HCN1: variants seen among roughly 807,000 people sequenced by gnomAD.
HCN1 encodes the protein hyperpolarization activated cyclic nucleotide gated potassium channel 1.
Under a neutral mutation model 78.9 loss-of-function variants are expected in HCN1, and 13 were observed. That is an observed-to-expected ratio of 0.16 (90% CI 0.11 to 0.26). The LOEUF is 0.26. Among genes scored for constraint, HCN1 ranks in the 10% least tolerant of loss-of-function variants. The pLI is 1.00. For missense variants in HCN1, 810 were observed against 1,154.3 expected (o/e 0.70, Z 4.32); for synonymous variants, 552 against 455.5 (o/e 1.21, Z -2.70).
At chr5:45,267,012 T>G in intron 7 of HCN1, 77 bp downstream of exon 7, 1 of 1,237,498 alleles carries the variant, frequency 8.1e-7, no homozygotes, top group Non-Finnish European at 1.2e-6. Context: ...CCCCACTGCA[T>G]TTGGGACTTA....
At chr5:45,313,133 C>T (rs1306271419) in intron 5 of HCN1, among the ~76,000 whole-genome samples, 1 of 152,186 alleles carries the variant, frequency 6.6e-6, no homozygotes, top group Non-Finnish European at 1.5e-5. Flanking sequence ...GGCAGACTGA[C>T]ACCTCACACG....
intron 4 of HCN1, among the ~76,000 whole-genome samples, chr5:45,395,390 A>T (rs1739666770): frequency 6.6e-6 from 1 of 152,194 alleles, no homozygotes; most frequent in African/African-American, 2.4e-5. Context: ...GAGACTATTT[A>T]AAAATGAACC....
At chr5:45,271,064 G>A (rs1034711194) in intron 6 of HCN1, among the ~76,000 whole-genome samples, 1 of 151,978 alleles carries the variant, frequency 6.6e-6, no homozygotes, top group Admixed American at 6.6e-5. Flanking sequence ...TCTTCAAGGA[G>A]GATGCTTTTA....
intron 2 of HCN1, among the ~76,000 whole-genome samples, chr5:45,515,502 CTT>C (rs1203573891): frequency 6.6e-6 from 1 of 151,968 alleles, no homozygotes; most frequent in Non-Finnish European, 1.5e-5. Flanking sequence ...ATGTATTACA[CTT>C]TTATTCTATG....
At chr5:45,406,051 T>C (rs1390088842) in intron 3 of HCN1, among the ~76,000 whole-genome samples, 1 of 152,148 alleles carries the variant, frequency 6.6e-6, no homozygotes, top group African/African-American at 2.4e-5. Flanking sequence ...GTACATTATT[T>C]TAAAAATAAA....
intron 2 of HCN1, among the ~76,000 whole-genome samples, chr5:45,567,105 GGAT>G (rs1291673765): frequency 3.3e-5 from 5 of 152,020 alleles, no homozygotes; most frequent in African/African-American, 1.2e-4. Flanking sequence ...TTAAAATTAT[GGAT>G]AATATACAAA....
chr5:45,462,100 A>C, intron 2 of HCN1, 93 bp from the exon 3 acceptor site: 1 of 924,962 alleles, frequency 1.1e-6, no homozygotes, highest in South Asian at 1.5e-5. Flanking sequence ...TGTGTAGCGT[A>C]AGCATTGATT....
intron 2 of HCN1, among the ~76,000 whole-genome samples, chr5:45,495,164 G>A (rs1445353840): frequency 8.2e-6 from 1 of 121,728 alleles, no homozygotes; most frequent in Non-Finnish European, 1.7e-5. Flanking sequence ...GATGGGGATG[G>A]CATTGAATCT....
At chr5:45,373,204 TTA>T (rs1338239529) in intron 4 of HCN1, among the ~76,000 whole-genome samples, 4 of 121,968 alleles carry the variant, frequency 3.3e-5, no homozygotes, top group East Asian at 4.5e-4. Context: ...TTTATATATT[TTA>T]TATATGTTAT....
intron 2 of HCN1, among the ~76,000 whole-genome samples, chr5:45,494,717 GT>G: frequency 6.6e-6 from 1 of 152,196 alleles, no homozygotes; most frequent in Non-Finnish European, 1.5e-5. Flanking sequence ...TTCTTCTAGG[GT>G]TTTTATGGTT....
At chr5:45,515,980 T>C (rs553961881) in intron 2 of HCN1, among the ~76,000 whole-genome samples, 2 of 152,142 alleles carry the variant, frequency 1.3e-5, no homozygotes, top group Non-Finnish European at 2.9e-5. Context: ...CTGATATGTA[T>C]ACATGCATGT....
At chr5:45,396,880 C>T (rs1423709531) in intron 3 of HCN1, among the ~76,000 whole-genome samples, 170 bp from the exon 4 acceptor site, 1 of 152,100 alleles carries the variant, frequency 6.6e-6, no homozygotes, top group Admixed American at 6.6e-5. Flanking sequence ...TGATGTTTTT[C>T]AAATCTTTCT....
intron 5 of HCN1, among the ~76,000 whole-genome samples, chr5:45,347,576 G>T (rs2111974116): frequency 6.6e-6 from 1 of 152,254 alleles, no homozygotes; most frequent in East Asian, 1.9e-4. Context: ...CGAGCTACAG[G>T]AGGAAATTCA....
chr5:45,401,067 TA>T (rs1739792917), intron 3 of HCN1, among the ~76,000 whole-genome samples: 2 of 152,328 alleles, frequency 1.3e-5, no homozygotes, highest in Non-Finnish European at 2.9e-5. Context: ...ATTCTTTAAT[TA>T]AAAACTTTAT....
intron 4 of HCN1, among the ~76,000 whole-genome samples, chr5:45,362,247 AC>A (rs1370781492): frequency 6.6e-6 from 1 of 151,746 alleles, no homozygotes; most frequent in Non-Finnish European, 1.5e-5. Flanking sequence ...GACTGATATA[AC>A]ATGCCTACCA....
At chr5:45,388,033 G>T (rs2112032075) in intron 4 of HCN1, among the ~76,000 whole-genome samples, 1 of 152,188 alleles carries the variant, frequency 6.6e-6, no homozygotes, top group South Asian at 2.1e-4. Context: ...GATAAGAGGA[G>T]GGCTATGGTG....
chr5:45,319,753 G>A (rs1177962490), intron 5 of HCN1, among the ~76,000 whole-genome samples: 1 of 150,872 alleles, frequency 6.6e-6, no homozygotes, highest in African/African-American at 2.4e-5. Flanking sequence ...TATTCAGATT[G>A]CTTCTAGAAG....
At chr5:45,408,019 T>C (rs1214228291) in intron 3 of HCN1, among the ~76,000 whole-genome samples, 1 of 152,058 alleles carries the variant, frequency 6.6e-6, no homozygotes, top group Non-Finnish European at 1.5e-5. Context: ...AAAAATCATA[T>C]AGAATATAAG....
intron 6 of HCN1, among the ~76,000 whole-genome samples, chr5:45,298,404 T>A (rs1579789316): frequency 6.6e-6 from 1 of 151,828 alleles, no homozygotes; most frequent in African/African-American, 2.4e-5. Flanking sequence ...CTTGAAGAAA[T>A]GAATAATTTT....
Sources: gnomAD v4.1 joint callset for allele counts (sites outside exome capture counted in the v4.1 genomes callset) on GRCh38, gnomAD v4.1.1 for gene constraint, MANE v1.5 for transcripts, NCBI Gene and HGNC (gene_info 2026-07-23, HGNC 2026-07-21) for gene names.